ADGRB3: variants seen among roughly 807,000 people sequenced by gnomAD.
ADGRB3 encodes the protein adhesion G protein-coupled receptor B3.
Under a neutral mutation model 193.4 loss-of-function variants are expected in ADGRB3, and 37 were observed. That is an observed-to-expected ratio of 0.19 (90% CI 0.15 to 0.25). The LOEUF is 0.25. Among genes scored for constraint, ADGRB3 ranks in the 10% least tolerant of loss-of-function variants. The probability of loss-of-function intolerance (pLI) is 1.00; values close to 1 mark genes in which losing one functional copy is unlikely to be tolerated. For missense variants in ADGRB3, 1,637 were observed against 1,852.9 expected, an observed-to-expected ratio of 0.88 and a Z score of 2.14; for synonymous variants, 690 against 644.2, an observed-to-expected ratio of 1.07 and a Z score of -1.08.
chr6:69,238,132 G>A (rs1316133729), intron 19 of ADGRB3, among the ~76,000 whole-genome samples: 1 of 152,036 alleles, frequency 6.6e-6, no homozygotes, highest in Non-Finnish European at 1.5e-5. Context: ...AAGTTTGACA[G>A]ATTTTTACCT....
At chr6:68,895,430 C>A (rs1420817167) in intron 3 of ADGRB3, among the ~76,000 whole-genome samples, 1 of 151,912 alleles carries the variant, frequency 6.6e-6, no homozygotes, top group East Asian at 1.9e-4. Flanking sequence ...TCTAGCCATA[C>A]ACCAAGAGGG....
rs555894001 is a variant in ADGRB3 at position 68,762,232 on chromosome 6, C to T, written c.757+122800C>T. On this transcript the variant is annotated intron_variant, in intron 3 of 31. Coordinates refer to ENST00000370598, the MANE Select transcript of ADGRB3 (RefSeq NM_001704.3). ...TTCTCTTTTCCCCCTTCTTTTTCTC[C>T]CTAACTTTCTCTTCTTTTCTCCTCA... is the stretch of plus-strand genomic sequence containing the variant. Among the ~76,000 whole-genome samples, 6 of 152,136 alleles carry T rather than the reference C, an allele frequency of 3.9e-5. No homozygotes were observed. In the South Asian group the frequency reaches 1.2e-3, roughly 32 times the overall value.
intron 3 of ADGRB3, among the ~76,000 whole-genome samples, chr6:68,862,247 T>C (rs117803153): frequency 0.013 from 1,960 of 152,184 alleles, 15 homozygotes; most frequent in Non-Finnish European, 0.019. Context: ...TGACCATCTT[T>C]GATATCTTTG....
chr6:69,008,439 A>G (rs1769837461), intron 11 of ADGRB3, among the ~76,000 whole-genome samples: 1 of 152,100 alleles, frequency 6.6e-6, no homozygotes, highest in Non-Finnish European at 1.5e-5. Flanking sequence ...GGCCTTAATA[A>G]TCACTATTTT....
Position 68,814,593 on chromosome 6 carries a change from T to C in ADGRB3, c.758-115966T>C, listed in dbSNP as rs558649495. 1.1e-4 allele frequency among the ~76,000 whole-genome samples: 16 copies of C among 152,282 alleles called. No individual in the cohort carries two copies. The South Asian group carries it at 2.9e-3, about 28-fold the overall frequency. ...CAATTTTGGCTTTTGTTGCCATTGC[T>C]TTTGGTGTTTTATACATGAAGTCCT... On this transcript the variant is annotated intron_variant, in intron 3 of 31. Coordinates refer to ENST00000370598, the MANE Select transcript of ADGRB3 (RefSeq NM_001704.3).
At chr6:68,668,903 T>G (rs1283419898) in intron 3 of ADGRB3, among the ~76,000 whole-genome samples, 1 of 151,960 alleles carries the variant, frequency 6.6e-6, no homozygotes, top group Non-Finnish European at 1.5e-5. Flanking sequence ...GTTCTCTTGT[T>G]ACAATAAGGA....
rs3839461 is a variant in ADGRB3, at chr6:69,005,547, C to CT, written c.1930-8485dup. Among the ~76,000 whole-genome samples, 80 of 152,234 alleles carry CT rather than the reference C, an allele frequency of 5.3e-4. No homozygotes were observed. The East Asian group carries it at 0.011, about 21-fold the overall frequency. On this transcript the variant is annotated intron_variant, in intron 11 of 31. Coordinates refer to ENST00000370598, the MANE Select transcript of ADGRB3 (RefSeq NM_001704.3). ...CTTTTTTAAAATGTGTTCTTAAAGA[C>CT]TTTTTTCACATGGTCTTTTGTGACC...
At chr6:69,330,096 G>T (rs531899308) in intron 22 of ADGRB3, among the ~76,000 whole-genome samples, 1 of 151,738 alleles carries the variant, frequency 6.6e-6, no homozygotes, top group African/African-American at 2.4e-5. Context: ...TAAATGGCAC[G>T]TCTAAAACTC....
At chr6:68,658,408 A>C (rs1388857069) in intron 3 of ADGRB3, among the ~76,000 whole-genome samples, 1 of 151,298 alleles carries the variant, frequency 6.6e-6, no homozygotes, top group East Asian at 1.9e-4. Flanking sequence ...ATCTCCAGAT[A>C]TGCTTAGTGG....
At chr6:69,377,989 T>C (rs896466860) in intron 30 of ADGRB3, among the ~76,000 whole-genome samples, 6 of 152,092 alleles carry the variant, frequency 3.9e-5, no homozygotes, top group African/African-American at 1.4e-4. Flanking sequence ...ACATTTATAA[T>C]GGCCTTCCAT....
intron 3 of ADGRB3, among the ~76,000 whole-genome samples, chr6:68,682,241 T>C (rs965301621): frequency 2.6e-5 from 4 of 152,218 alleles, no homozygotes; most frequent in Non-Finnish European, 5.9e-5. Context: ...AAAGCATTAT[T>C]TCAAGTGTAC....
At chr6:68,660,523 A>G (rs1325446232) in intron 3 of ADGRB3, among the ~76,000 whole-genome samples, 2 of 151,090 alleles carry the variant, frequency 1.3e-5, no homozygotes. Flanking sequence ...CTTTCAAGGT[A>G]CAAATGATTC....
intron 17 of ADGRB3, among the ~76,000 whole-genome samples, chr6:69,184,876 T>A (rs1180984770): frequency 2.0e-5 from 3 of 152,136 alleles, no homozygotes; most frequent in Non-Finnish European, 4.4e-5. Flanking sequence ...GAGCATTCAT[T>A]TTTTAAATGT....
At chr6:69,304,216 A>T (rs543905031) in intron 20 of ADGRB3, among the ~76,000 whole-genome samples, 4 of 151,930 alleles carry the variant, frequency 2.6e-5, no homozygotes, top group Admixed American at 1.3e-4. Flanking sequence ...TGGGTTGCTG[A>T]TATTGCAGGT....
chr6:68,981,606 C>T (rs993466110), intron 10 of ADGRB3, among the ~76,000 whole-genome samples: 3 of 151,446 alleles, frequency 2.0e-5, no homozygotes, highest in African/African-American at 7.3e-5. Flanking sequence ...ACTTTACATG[C>T]CATATGGCTT....
intron 3 of ADGRB3, among the ~76,000 whole-genome samples, chr6:68,642,574 T>A (rs1203843278): frequency 6.6e-6 from 1 of 152,148 alleles, no homozygotes; most frequent in African/African-American, 2.4e-5. Context: ...TGACTAATGC[T>A]TCATTAAAGT....
intron 3 of ADGRB3, among the ~76,000 whole-genome samples, chr6:68,655,331 A>T (rs2127283484): frequency 6.6e-6 from 1 of 151,636 alleles, no homozygotes; most frequent in East Asian, 1.9e-4. Flanking sequence ...GTTTTCTGTG[A>T]AGTGGTGATG....
chr6:68,857,855 T>C (rs147415820), intron 3 of ADGRB3, among the ~76,000 whole-genome samples: 11 of 152,310 alleles, frequency 7.2e-5, no homozygotes, highest in African/African-American at 2.6e-4. Flanking sequence ...TTTCCACTTG[T>C]TGTGGGAGAG....
At chr6:68,813,847 G>A (rs1767570251) in intron 3 of ADGRB3, among the ~76,000 whole-genome samples, 1 of 152,052 alleles carries the variant, frequency 6.6e-6, no homozygotes, top group Non-Finnish European at 1.5e-5. Flanking sequence ...GAGAATGATG[G>A]TTTCCAGCTT....
Sources: allele counts gnomAD v4.1 joint callset (sites outside exome capture counted in the v4.1 genomes callset), GRCh38; gene constraint gnomAD v4.1.1; transcripts MANE v1.5; gene names NCBI Gene and HGNC (gene_info 2026-07-23, HGNC 2026-07-21).